USP8: variants seen among roughly 807,000 people sequenced by gnomAD.
USP8 encodes the protein ubiquitin carboxyl-terminal hydrolase 8.
In USP8, 27 loss-of-function variants were observed where a neutral mutation model predicts 130.0. The observed-to-expected ratio is 0.21, with a 90% confidence interval of 0.15 to 0.29. The LOEUF (loss-of-function observed/expected upper bound fraction) is 0.29. Among genes scored for constraint, USP8 ranks in the 10% least tolerant of loss-of-function variants. USP8 has a pLI of 1.00. For missense variants in USP8, 1,029 were observed against 1,312.2 expected, an observed-to-expected ratio of 0.78 and a Z score of 3.33; for synonymous variants, 392 against 444.1, an observed-to-expected ratio of 0.88 and a Z score of 1.48.
chr15:50,445,545 CAA>C (rs747368769), intron 3 of USP8, among the ~76,000 whole-genome samples: 32 of 10,010 alleles, frequency 3.2e-3, no homozygotes, highest in African/African-American at 8.1e-3. Flanking sequence ...GAGTCTGTCT[CAA>C]AAAAAAAAAA....
chr15:50,448,521 A>ATT (rs375945346), intron 3 of USP8, among the ~76,000 whole-genome samples: 4 of 144,060 alleles, frequency 2.8e-5, no homozygotes, highest in African/African-American at 2.5e-5. Flanking sequence ...TAAAGGTGGA[A>ATT]TTTTTTTTTT....
chr15:50,464,856 G>GA (rs1311373616), intron 6 of USP8, among the ~76,000 whole-genome samples, 191 bp from the exon 7 acceptor site: 7 of 151,800 alleles, frequency 4.6e-5, no homozygotes, highest in South Asian at 2.1e-4. Context: ...CCTGTCTCAA[G>GA]AAAAAAAACA....
At position 50,512,716 on chromosome 15, in the gene USP8, C is replaced by T. The variant is rs1028725982; in HGVS notation, c.*13628C>T. ...CTGGGGCATGAGAATCATTTGAAACCAGGGGGTGGAGGTTGCAGTGAGCCG... is the reference window on the plus strand; with the variant it reads ...CTGGGGCATGAGAATCATTTGAAACTAGGGGGTGGAGGTTGCAGTGAGCCG... On this transcript the variant is annotated 3_prime_UTR_variant, in exon 20 of 20. Transcript: ENST00000307179. 6.6e-6 allele frequency: 1 copy of T among 151,368 alleles called. No homozygotes were observed. Among genetic ancestry groups the T allele is most frequent in the Non-Finnish European group, 1.5e-5 (1 of 67,836 alleles). 9.4% of individuals were successfully genotyped at this position (151,368 alleles called of 1,614,324 possible).
chr15:50,476,239 G>C (rs538114531), intron 8 of USP8, among the ~76,000 whole-genome samples: 3 of 152,170 alleles, frequency 2.0e-5, no homozygotes, highest in Non-Finnish European at 4.4e-5. Context: ...AGACCAGCCT[G>C]GGCAACATGG....
intron 7 of USP8, among the ~76,000 whole-genome samples, chr15:50,470,636 T>C (rs1297357631): frequency 6.6e-6 from 1 of 150,750 alleles, no homozygotes; most frequent in Non-Finnish European, 1.5e-5. Flanking sequence ...AGAGTCTTGC[T>C]TTGTCGCCCA....
In USP8 at chr15:50,462,310, A is replaced by T. The variant is rs1193238501; in HGVS notation, c.529A>T (p.Thr177Ser). Residue 177 changes from threonine (T) to serine (S), a missense_variant, in exon 6 of 20, where the codon ACC becomes TCC. Transcript: ENST00000307179. ...SNGEKNEKCE[T>S]KEKGAITAKE... The stretch of plus-strand genomic sequence containing the variant: ...TGGTGAAAAGAATGAAAAATGTGAG[A>T]CCAAAGAGAAAGGTAAGTGTGTACA... 1 of 1,601,018 alleles carries T rather than the reference A, an allele frequency of 6.2e-7. No homozygotes were observed. Among genetic ancestry groups the T allele is most frequent in the Non-Finnish European group, 8.5e-7 (1 of 1,176,572 alleles).
chr15:50,478,305 A>T (rs938424726), intron 10 of USP8, among the ~76,000 whole-genome samples: 1 of 152,234 alleles, frequency 6.6e-6, no homozygotes, highest in Non-Finnish European at 1.5e-5. Context: ...CAAATAAAAA[A>T]ATTTTAGTTT....
At chr15:50,457,592 G>A (rs1228467594) in intron 4 of USP8, among the ~76,000 whole-genome samples, 1 of 149,056 alleles carries the variant, frequency 6.7e-6, no homozygotes, top group African/African-American at 2.5e-5. Flanking sequence ...GCCAGCCACG[G>A]TGGCTCACAC....
At chr15:50,466,695 G>C in intron 7 of USP8, 1 of 202,334 alleles carries the variant, frequency 4.9e-6, no homozygotes, top group South Asian at 8.8e-5. Context: ...TACTGCTGTT[G>C]CTCTCGCAGA....
intron 3 of USP8, among the ~76,000 whole-genome samples, chr15:50,442,824 G>A (rs1034599971): frequency 1.4e-4 from 21 of 152,118 alleles, no homozygotes; most frequent in African/African-American, 4.8e-4. Flanking sequence ...AGTGAAGAAT[G>A]TTGTGTTGCT....
intron 4 of USP8, among the ~76,000 whole-genome samples, chr15:50,454,120 TC>T (rs2050713093): frequency 6.6e-6 from 1 of 152,160 alleles, no homozygotes; most frequent in Admixed American, 6.6e-5. Flanking sequence ...TGCCTTGGCC[TC>T]CCAAAGTGCT....
At chr15:50,461,320 A>T (rs1460849272) in intron 5 of USP8, among the ~76,000 whole-genome samples, 1 of 151,770 alleles carries the variant, frequency 6.6e-6, no homozygotes, top group Non-Finnish European at 1.5e-5. Flanking sequence ...AAAATTAGCC[A>T]GTCATGATAG....
At chr15:50,432,256 A>C (rs1422729512) in intron 1 of USP8, 1 of 152,066 alleles carries the variant, frequency 6.6e-6, no homozygotes, top group Non-Finnish European at 1.5e-5. Context: ...CTAATTTTTA[A>C]ATTTTTTGTA....
chr15:50,489,129 A>G (rs1430767230), intron 12 of USP8, among the ~76,000 whole-genome samples: 1 of 152,200 alleles, frequency 6.6e-6, no homozygotes, highest in Non-Finnish European at 1.5e-5. Context: ...ACATTCAATT[A>G]TATTGAGGTT....
At chr15:50,466,374 G>A (rs1211929972) in intron 7 of USP8, among the ~76,000 whole-genome samples, 3 of 152,014 alleles carry the variant, frequency 2.0e-5, no homozygotes, top group Non-Finnish European at 2.9e-5. Flanking sequence ...CAAGGCAGGC[G>A]GATCACTTGA....
intron 10 of USP8, among the ~76,000 whole-genome samples, chr15:50,477,838 CA>C (rs34193682): frequency 0.52 from 66,511 of 129,098 alleles, 14,970 homozygotes; most frequent in Non-Finnish European, 0.56. Flanking sequence ...GACTCTGTCT[CA>C]AAAAAAAAAA....
intron 8 of USP8, among the ~76,000 whole-genome samples, chr15:50,475,063 C>G (rs1301904790): frequency 6.6e-6 from 1 of 152,030 alleles, no homozygotes; most frequent in Non-Finnish European, 1.5e-5. Flanking sequence ...GAGCCGAGAT[C>G]GCACCACTTC....
chr15:50,495,592 A>G (rs2141326232), intron 16 of USP8, among the ~76,000 whole-genome samples: 1 of 151,948 alleles, frequency 6.6e-6, no homozygotes, highest in South Asian at 2.1e-4. Context: ...ATGAACCACC[A>G]CATCTGGCCC....
Position 50,439,248 on chromosome 15 carries a change from G to A in USP8, c.104+71G>A. The A allele has an allele frequency of 3.0e-6, 3 of 988,858 alleles. No homozygotes were observed. In the South Asian group the frequency reaches 5.7e-5, roughly 19 times the overall value. 61.3% of individuals were successfully genotyped at this position (988,858 alleles called of 1,614,324 possible). A position where few individuals can be genotyped will look rare whatever the true frequency, so the allele number is the denominator to read the frequency against. Reference sequence around the variant, plus strand: ...TTAGTTCGTTTCCATATTAAAGTTAGATGAATGTTAAAGTTTATTTGAAAA... The same window carrying A: ...TTAGTTCGTTTCCATATTAAAGTTAAATGAATGTTAAAGTTTATTTGAAAA... On this transcript the variant is annotated intron_variant, in intron 2 of 19. Transcript: ENST00000307179.
Sources: gnomAD v4.1 joint callset for allele counts (sites outside exome capture counted in the v4.1 genomes callset) on GRCh38, gnomAD v4.1.1 for gene constraint, MANE v1.5 for transcripts, NCBI Gene and HGNC (gene_info 2026-07-23, HGNC 2026-07-21) for gene names.